Variants in EPHA3 observed in about 807,000 individuals in gnomAD.
EPHA3 encodes ephrin type-A receptor 3.
In EPHA3, 42 loss-of-function variants were observed where a neutral mutation model predicts 107.1. That is an observed-to-expected ratio of 0.39 (90% CI 0.31 to 0.51). The LOEUF (loss-of-function observed/expected upper bound fraction) is 0.51, where lower values mean the gene tolerates loss of function less well. Among genes scored for constraint, EPHA3 ranks in the 20% least tolerant of loss-of-function variants. The pLI, the probability that EPHA3 is intolerant of heterozygous loss-of-function variation, is 0.78. For synonymous variants in EPHA3, 461 were observed against 424.8 expected, an observed-to-expected ratio of 1.09 and a Z score of -1.05; for missense variants, 1,183 against 1,211.2, an observed-to-expected ratio of 0.98 and a Z score of 0.35.
At chr3:89,291,380 T>C (rs1706203224) in intron 3 of EPHA3, among the ~76,000 whole-genome samples, 3 of 152,184 alleles carry the variant, frequency 2.0e-5, no homozygotes, top group African/African-American at 7.2e-5. Flanking sequence ...TGGTATGTTA[T>C]GCAGTATACA....
At chr3:89,429,692 TATC>T (rs1218405130) in intron 12 of EPHA3, among the ~76,000 whole-genome samples, 4 of 144,898 alleles carry the variant, frequency 2.8e-5, no homozygotes, top group African/African-American at 7.5e-5. Flanking sequence ...TACGTTTATC[TATC>T]ATCTATCTAT....
At chr3:89,203,496 G>T (rs1706024203) in intron 2 of EPHA3, among the ~76,000 whole-genome samples, 1 of 152,008 alleles carries the variant, frequency 6.6e-6, no homozygotes, top group Admixed American at 6.6e-5. Flanking sequence ...AGCTCCGGCT[G>T]GGCGCGGTGG....
At chr3:89,321,119 T>C (rs1338636799) in intron 3 of EPHA3, among the ~76,000 whole-genome samples, 1 of 152,028 alleles carries the variant, frequency 6.6e-6, no homozygotes, top group Non-Finnish European at 1.5e-5. Context: ...TAGTCAAAAG[T>C]ACATGCATCC....
chr3:89,408,359 CTG>C (rs1011420183), intron 9 of EPHA3, among the ~76,000 whole-genome samples: 1 of 152,122 alleles, frequency 6.6e-6, no homozygotes, highest in African/African-American at 2.4e-5. Context: ...AAAGGGTAAT[CTG>C]TGGTTTACAT....
In EPHA3 at chr3:89,113,329, C is replaced by T. The variant is rs183395050; in HGVS notation, c.88+5493C>T. Among the ~76,000 whole-genome samples, 1,192 of 151,564 alleles carry T rather than the reference C, an allele frequency of 7.9e-3. 8 individuals are homozygous for T. Among genetic ancestry groups the T allele is most frequent in the Non-Finnish European group, 0.011 (754 of 67,866 alleles). ...CTAGGAAGACATCCCTCAGTGTGTTCGGGGTGTGGATACATGTGCGCCACT... is the reference window on the plus strand; with the variant it reads ...CTAGGAAGACATCCCTCAGTGTGTTTGGGGTGTGGATACATGTGCGCCACT... On this transcript the variant is annotated intron_variant, in intron 1 of 16. Transcript: ENST00000336596.
At chr3:89,352,003 G>A (rs1175430713) in intron 5 of EPHA3, among the ~76,000 whole-genome samples, 3 of 150,168 alleles carry the variant, frequency 2.0e-5, no homozygotes, top group South Asian at 2.1e-4. Flanking sequence ...ATATGATGCA[G>A]GGAATTTCAG....
At chr3:89,161,385 G>A (rs1178343756) in intron 2 of EPHA3, among the ~76,000 whole-genome samples, 1 of 152,046 alleles carries the variant, frequency 6.6e-6, no homozygotes, top group African/African-American at 2.4e-5. Context: ...CAAAAATTGT[G>A]TAATGTTTAC....
intron 2 of EPHA3, among the ~76,000 whole-genome samples, chr3:89,207,535 C>T (rs1025346758): frequency 4.0e-5 from 6 of 151,844 alleles, no homozygotes; most frequent in African/African-American, 9.7e-5. Context: ...TTTAAACAAA[C>T]AAACAAAGCA....
chr3:89,337,807 G>T (rs536345292), intron 3 of EPHA3, among the ~76,000 whole-genome samples: 1 of 152,102 alleles, frequency 6.6e-6, no homozygotes, highest in African/African-American at 2.4e-5. Flanking sequence ...CAGGTATGCC[G>T]TCTGCTACAA....
rs768907312 is a variant in EPHA3, at chr3:89,472,636, C to T, written c.2846+17C>T. 1 of 1,599,842 alleles carries T rather than the reference C, an allele frequency of 6.3e-7. No individual in the cohort carries two copies. Among genetic ancestry groups the T allele is most frequent in the South Asian group, 1.1e-5 (1 of 88,778 alleles). The stretch of plus-strand genomic sequence containing the variant: ...TTCCACAGAGTAAGAAAAAAAAATT[C>T]ATTAAGAAGAATGAAGGATTCTTTT... On this transcript the variant is annotated intron_variant, in intron 16 of 16. Transcript: ENST00000336596.
intron 2 of EPHA3, among the ~76,000 whole-genome samples, chr3:89,198,780 T>A (rs1576223324): frequency 6.6e-6 from 1 of 152,222 alleles, no homozygotes; most frequent in Non-Finnish European, 1.5e-5. Flanking sequence ...ACTGTGGCTG[T>A]GACCCATTAT....
chr3:89,210,786 G>A (rs900329767), intron 3 of EPHA3, among the ~76,000 whole-genome samples: 6 of 152,044 alleles, frequency 3.9e-5, no homozygotes, highest in African/African-American at 7.2e-5. Context: ...TTTTTCTGCT[G>A]TTTAATAACT....
intron 3 of EPHA3, among the ~76,000 whole-genome samples, chr3:89,316,017 C>A (rs1706890626): frequency 6.6e-6 from 1 of 151,894 alleles, no homozygotes; most frequent in East Asian, 2.0e-4. Flanking sequence ...CTTGAAATGC[C>A]TTTTTAAATA....
At chr3:89,395,988 G>T in intron 6 of EPHA3, 27 bp downstream of exon 6, 1 of 1,610,992 alleles carries the variant, frequency 6.2e-7, no homozygotes, top group Non-Finnish European at 8.5e-7. Context: ...TAAGGGTTGG[G>T]CTGTGTAGGC....
chr3:89,186,128 C>T (rs61152940), intron 2 of EPHA3, among the ~76,000 whole-genome samples: 1 of 151,412 alleles, frequency 6.6e-6, no homozygotes, highest in African/African-American at 2.4e-5. Context: ...AGAGATGAAA[C>T]CTAAATTATA....
chr3:89,408,504 C>T (rs1709096596), intron 9 of EPHA3, among the ~76,000 whole-genome samples: 1 of 152,008 alleles, frequency 6.6e-6, no homozygotes. Flanking sequence ...TTCCTAACTG[C>T]CAAGTAAATA....
chr3:89,368,036 C>G (rs964373978), intron 5 of EPHA3, among the ~76,000 whole-genome samples: 2 of 150,412 alleles, frequency 1.3e-5, no homozygotes, highest in African/African-American at 4.9e-5. Context: ...TAGTGGCTAA[C>G]TTGGGCCTTA....
At chr3:89,477,717 G>A (rs765702735) in intron 16 of EPHA3, among the ~76,000 whole-genome samples, 48 of 151,742 alleles carry the variant, frequency 3.2e-4, no homozygotes, top group Non-Finnish European at 2.9e-4. Context: ...TTTACGCCCT[G>A]GTCATCTTTA....
chr3:89,399,377 T>C lies in EPHA3; in HGVS notation c.1491T>C (p.Ser497=). ...CAAGAGGCACAAATGTTACCATCAG[T>C]AGCCTCAAGCCTGACACTATATACG... ...LRARGTNVTI[S]SLKPDTIYVF... is the part of the protein sequence containing the mutation. The change falls in exon 7 of 17, where the codon AGT becomes AGC. Residue 497 remains serine, a synonymous_variant. Coordinates refer to ENST00000336596, the MANE Select transcript of EPHA3 (RefSeq NM_005233.6). 6.2e-7 allele frequency: 1 copy of C among 1,614,026 alleles called. No homozygotes were observed. Among genetic ancestry groups the C allele is most frequent in the Non-Finnish European group, 8.5e-7 (1 of 1,179,948 alleles).
Sources: gnomAD v4.1 joint callset for allele counts (sites outside exome capture counted in the v4.1 genomes callset) on GRCh38, gnomAD v4.1.1 for gene constraint, MANE v1.5 for transcripts, NCBI Gene and HGNC (gene_info 2026-07-23, HGNC 2026-07-21) for gene names.